Variants in SOX5 observed in about 807,000 individuals in gnomAD.
SOX5 encodes the protein transcription factor SOX-5.
SOX5 carries 9 observed loss-of-function variants against 92.0 expected under a neutral mutation model. The ratio of observed to expected loss-of-function variants is 0.10; its 90% CI spans 0.06 to 0.17. The LOEUF (loss-of-function observed/expected upper bound fraction) is 0.17, where lower values mean the gene tolerates loss of function less well. Ranked by LOEUF, SOX5 falls within the 10% of genes least tolerant of loss-of-function variation. The pLI, the probability that SOX5 is intolerant of heterozygous loss-of-function variation, is 1.00. For synonymous variants in SOX5, 344 were observed against 336.3 expected, an observed-to-expected ratio of 1.02 and a Z score of -0.25; for missense variants, 642 against 944.5, an observed-to-expected ratio of 0.68 and a Z score of 4.20.
intron 2 of SOX5, among the ~76,000 whole-genome samples, chr12:24,337,514 ATT>A (rs2141036336): frequency 1.3e-5 from 2 of 151,876 alleles, no homozygotes; most frequent in South Asian, 4.2e-4. Context: ...CTAATTTTGT[ATT>A]TTTAGTAGAG....
chr12:24,277,220 T>C (rs1944540227), exon 3 of SOX5: 1 of 151,618 alleles, frequency 6.6e-6, no homozygotes, highest in Non-Finnish European at 1.5e-5. Flanking sequence ...ATATACCTTT[T>C]TCCTACCCAG....
At chr12:23,962,444 C>T (rs1476950653) in intron 4 of SOX5, among the ~76,000 whole-genome samples, 1 of 152,032 alleles carries the variant, frequency 6.6e-6, no homozygotes, top group Admixed American at 6.5e-5. Context: ...ATAGGGTCTC[C>T]ACGTTAAAAA....
intron 4 of SOX5, among the ~76,000 whole-genome samples, chr12:24,113,540 C>A (rs765355981): frequency 6.6e-6 from 1 of 151,870 alleles, no homozygotes; most frequent in Non-Finnish European, 1.5e-5. Context: ...GCTGTGATAC[C>A]CAAGGCTTCT....
chr12:23,990,381 C>T (rs1274873130), intron 4 of SOX5, among the ~76,000 whole-genome samples: 2 of 152,186 alleles, frequency 1.3e-5, no homozygotes, highest in East Asian at 3.9e-4. Flanking sequence ...GATCTAATCA[C>T]TGCCTTTTCC....
At chr12:24,404,822 TC>T (rs1962545880) in intron 1 of SOX5, among the ~76,000 whole-genome samples, 1 of 152,182 alleles carries the variant, frequency 6.6e-6, no homozygotes, top group Admixed American at 6.5e-5. Context: ...CCCCAGGATC[TC>T]AGAATGTGAC....
At chr12:23,742,290 T>C (rs2093824729) in intron 4 of SOX5, among the ~76,000 whole-genome samples, 1 of 152,280 alleles carries the variant, frequency 6.6e-6, no homozygotes, top group East Asian at 1.9e-4. Flanking sequence ...ATTTTACATA[T>C]AGCATAGAGA....
intron 2 of SOX5, among the ~76,000 whole-genome samples, chr12:24,292,727 C>T (rs978124912): frequency 1.3e-5 from 2 of 152,170 alleles, no homozygotes; most frequent in Non-Finnish European, 2.9e-5. Context: ...TTTGGCAAGG[C>T]CATGTAATAT....
chr12:24,193,605 C>T (rs1439826964), intron 4 of SOX5, among the ~76,000 whole-genome samples: 1 of 152,186 alleles, frequency 6.6e-6, no homozygotes, highest in African/African-American at 2.4e-5. Context: ...TGAGCACAAA[C>T]TGTTCAATCC....
chr12:24,116,417 A>G (rs555988795), intron 4 of SOX5, among the ~76,000 whole-genome samples: 2 of 152,286 alleles, frequency 1.3e-5, no homozygotes, highest in African/African-American at 4.8e-5. Flanking sequence ...ATGAGAAAAA[A>G]TATCTCAAGG....
chr12:23,754,070 G>T (rs1397684204), intron 4 of SOX5, among the ~76,000 whole-genome samples: 1 of 151,760 alleles, frequency 6.6e-6, no homozygotes, highest in Non-Finnish European at 1.5e-5. Flanking sequence ...CAAAATTAAA[G>T]ACAGAAACTT....
chr12:24,504,442 T>C (rs116374458), intron 1 of SOX5, among the ~76,000 whole-genome samples: 182 of 152,276 alleles, frequency 1.2e-3, no homozygotes, highest in African/African-American at 4.1e-3. Flanking sequence ...ACCGATAAAT[T>C]TTTTAAGAGA....
chr12:23,684,246 C>T (rs1386027029), intron 6 of SOX5, among the ~76,000 whole-genome samples: 1 of 151,956 alleles, frequency 6.6e-6, no homozygotes, highest in Non-Finnish European at 1.5e-5. Flanking sequence ...AATGACGGTT[C>T]CTTTGGCCAG....
At chr12:23,656,717 A>G (rs1266668203) in intron 7 of SOX5, among the ~76,000 whole-genome samples, 1 of 151,974 alleles carries the variant, frequency 6.6e-6, no homozygotes, top group African/African-American at 2.4e-5. Flanking sequence ...TGCATATTAC[A>G]ATACACAGGC....
At chr12:23,916,959 C>G (rs1314609195) in intron 1 of SOX5, among the ~76,000 whole-genome samples, 1 of 152,102 alleles carries the variant, frequency 6.6e-6, no homozygotes. Flanking sequence ...ACACACAGCT[C>G]ACTACACACA....
chr12:24,397,866 T>C (rs1453387117), intron 1 of SOX5, among the ~76,000 whole-genome samples: 2 of 151,888 alleles, frequency 1.3e-5, no homozygotes, highest in African/African-American at 4.8e-5. Context: ...TTTATTTATT[T>C]TGAGACAGAG....
In SOX5 at chr12:24,320,871, AAAT is replaced by A. The variant is rs931920621; in HGVS notation, c.-173-43562_-173-43560del. Reference sequence around the variant, plus strand: ...CAGAGCAAGACTCTGTCTCAAAAAAAAATAATAATAATAATAATAATAATAATA... The same window carrying A: ...CAGAGCAAGACTCTGTCTCAAAAAAAAATAATAATAATAATAATAATAATA... On this transcript the variant is annotated intron_variant, in intron 2 of 4. Transcript: ENST00000446891. Among the ~76,000 whole-genome samples, 9 of 148,218 alleles carry A rather than the reference AAAT, an allele frequency of 6.1e-5. 1 individual carries two copies. The highest frequency in any genetic ancestry group is 1.2e-4 in the African/African-American group (5 of 40,138).
chr12:24,004,247 C>T (rs929358105), intron 4 of SOX5, among the ~76,000 whole-genome samples: 1 of 149,732 alleles, frequency 6.7e-6, no homozygotes, highest in East Asian at 2.0e-4. Context: ...AAGCATGACA[C>T]ACACGCACAT....
At chr12:23,626,170 G>T (rs1482585118) in intron 8 of SOX5, among the ~76,000 whole-genome samples, 1 of 151,952 alleles carries the variant, frequency 6.6e-6, no homozygotes, top group Non-Finnish European at 1.5e-5. Context: ...GTAAATATTT[G>T]GAAATTCCTA....
chr12:24,360,973 A>G (rs954899805), intron 2 of SOX5, among the ~76,000 whole-genome samples: 9 of 152,220 alleles, frequency 5.9e-5, no homozygotes, highest in Non-Finnish European at 1.0e-4. Context: ...GTAGCTACCC[A>G]GGATGACAAA....
Sources: gnomAD v4.1 joint callset for allele counts (sites outside exome capture counted in the v4.1 genomes callset) on GRCh38, gnomAD v4.1.1 for gene constraint, MANE v1.5 for transcripts, NCBI Gene and HGNC (gene_info 2026-07-23, HGNC 2026-07-21) for gene names.